The following LOXHD1 variants were observed in gnomAD, a reference collection of about 807,000 sequenced individuals.
The protein encoded by LOXHD1 is lipoxygenase homology PLAT domains 1.
Under a neutral mutation model 248.2 loss-of-function variants are expected in LOXHD1, and 205 were observed. The ratio of observed to expected loss-of-function variants is 0.83; its 90% CI spans 0.74 to 0.93. LOXHD1 has a LOEUF of 0.93. LOXHD1 is among the 40% of genes least tolerant of loss of function. LOXHD1 has a pLI of 0.00. For missense variants in LOXHD1, 2,930 were observed against 2,971.6 expected, an observed-to-expected ratio of 0.99 and a Z score of 0.33; for synonymous variants, 1,113 against 1,162.8, an observed-to-expected ratio of 0.96 and a Z score of 0.87.
intron 21 of LOXHD1, among the ~76,000 whole-genome samples, chr18:46,548,554 C>T (rs2036949275): frequency 6.6e-6 from 1 of 152,216 alleles, no homozygotes; most frequent in East Asian, 1.9e-4. Context: ...GAAAAATGCA[C>T]ACTGTTCTGC....
intron 21 of LOXHD1, among the ~76,000 whole-genome samples, chr18:46,554,324 T>C (rs561808628): frequency 6.6e-6 from 1 of 152,152 alleles, no homozygotes; most frequent in South Asian, 2.1e-4. Flanking sequence ...ATGTCAACAG[T>C]GAGGGAGATG....
chr18:46,593,530 G>A, intron 10 of LOXHD1, 70 bp downstream of exon 10: 1 of 1,510,794 alleles, frequency 6.6e-7, no homozygotes, highest in Non-Finnish European at 8.9e-7. Context: ...TAGAGAACCA[G>A]AATCCCCAGG....
intron 6 of LOXHD1, among the ~76,000 whole-genome samples, chr18:46,607,223 G>A (rs1312112421): frequency 6.6e-6 from 1 of 151,240 alleles, no homozygotes; most frequent in Admixed American, 6.6e-5. Context: ...TAAATAACAT[G>A]GGGATATATG....
In LOXHD1 at chr18:46,594,516, CCTCTTCGTG is replaced by C. The variant is rs1321327196; in HGVS notation, c.1135-59_1135-51del. The C allele has an allele frequency of 1.1e-5, 17 of 1,548,632 alleles. No individual in the cohort carries two copies. The South Asian group carries it at 1.7e-4, about 15-fold the overall frequency. On this transcript the variant is annotated intron_variant, in intron 8 of 40. Coordinates refer to ENST00000642948, the MANE Select transcript of LOXHD1 (RefSeq NM_001384474.1). Reference sequence around the variant, plus strand: ...TCCGGCATTGAGTCTCCAGTAGGGTCCTCTTCGTGATGTTCAGCAGGCTCCCAGCCCCAC... The same window carrying C: ...TCCGGCATTGAGTCTCCAGTAGGGTCATGTTCAGCAGGCTCCCAGCCCCAC...
At chr18:46,634,178 C>T (rs186632832) in intron 4 of LOXHD1, among the ~76,000 whole-genome samples, 4 of 152,270 alleles carry the variant, frequency 2.6e-5, no homozygotes, top group East Asian at 3.9e-4. Context: ...GGAAATAGTC[C>T]AATGTCTATC....
intron 23 of LOXHD1, among the ~76,000 whole-genome samples, chr18:46,543,599 G>A (rs1330614257): frequency 6.6e-6 from 1 of 152,000 alleles, no homozygotes; most frequent in Non-Finnish European, 1.5e-5. Context: ...CTCGGTGTAT[G>A]ATGTTCCTCT....
chr18:46,498,164 G>A (rs1324959786), intron 37 of LOXHD1, among the ~76,000 whole-genome samples: 1 of 152,178 alleles, frequency 6.6e-6, no homozygotes, highest in African/African-American at 2.4e-5. Context: ...ATCACTACTT[G>A]ACACCAACTT....
intron 37 of LOXHD1, among the ~76,000 whole-genome samples, chr18:46,493,443 C>T (rs2033628474): frequency 6.6e-6 from 1 of 152,338 alleles, no homozygotes; most frequent in Non-Finnish European, 1.5e-5. Flanking sequence ...CCCTTGAGAA[C>T]AGGAGCCTTT....
intron 12 of LOXHD1, among the ~76,000 whole-genome samples, chr18:46,586,194 G>A (rs571842728): frequency 2.0e-5 from 3 of 152,278 alleles, no homozygotes; most frequent in Non-Finnish European, 4.4e-5. Flanking sequence ...ATCCAGATTA[G>A]GCCAATCTGT....
intron 13 of LOXHD1, 51 bp from the exon 14 acceptor site, chr18:46,577,918 C>A (rs940155808): frequency 1.3e-6 from 2 of 1,541,840 alleles, no homozygotes; most frequent in Non-Finnish European, 1.8e-6. Context: ...CCCCAGGACC[C>A]AAACACCAAG....
chr18:46,517,753 T>C (rs2035335732), intron 34 of LOXHD1, among the ~76,000 whole-genome samples: 1 of 152,218 alleles, frequency 6.6e-6, no homozygotes, highest in Admixed American at 6.5e-5. Context: ...ATAGAGCTTC[T>C]GTGCCCCCTT....
chr18:46,582,558 G>T (rs2037983745), intron 12 of LOXHD1, among the ~76,000 whole-genome samples: 1 of 152,156 alleles, frequency 6.6e-6, no homozygotes, highest in Non-Finnish European at 1.5e-5. Flanking sequence ...ACAAAATATA[G>T]TTAGCAAAAT....
At chr18:46,550,142 C>T (rs2037026818) in intron 21 of LOXHD1, among the ~76,000 whole-genome samples, 1 of 152,158 alleles carries the variant, frequency 6.6e-6, no homozygotes, top group Admixed American at 6.5e-5. Context: ...CAACGTACTC[C>T]CAAATATCCC....
At position 46,547,148 on chromosome 18, in the gene LOXHD1, T is replaced by C. The variant is rs576786375; in HGVS notation, c.3351-90A>G. 183 of 1,449,410 alleles carry C rather than the reference T, an allele frequency of 1.3e-4. 5 individuals carry two copies. In the Middle Eastern group the frequency reaches 2.1e-3, roughly 17 times the overall value. 89.8% of individuals were successfully genotyped at this position (1,449,410 alleles called of 1,614,324 possible). On this transcript the variant is annotated intron_variant, in intron 21 of 40. Transcript: ENST00000642948. ...TGGGCTGAGAATGAGAGGCCCTCTA[T>C]GGGGTCCCAAACTCTCCCCTGTCTG...
intron 6 of LOXHD1, among the ~76,000 whole-genome samples, chr18:46,607,988 CACAT>C (rs2038443204): frequency 8.3e-6 from 1 of 120,532 alleles, no homozygotes; most frequent in Non-Finnish European, 1.8e-5. Context: ...AGATAGAAAA[CACAT>C]ACTGTGTTTC....
chr18:46,631,439 C>A (rs1426944285), intron 4 of LOXHD1, among the ~76,000 whole-genome samples: 1 of 152,186 alleles, frequency 6.6e-6, no homozygotes, highest in Non-Finnish European at 1.5e-5. Flanking sequence ...TCCCTGATTG[C>A]AGAATCACTG....
intron 5 of LOXHD1, among the ~76,000 whole-genome samples, 164 bp downstream of exon 5, chr18:46,618,028 C>A (rs2038613928): frequency 6.6e-6 from 1 of 152,172 alleles, no homozygotes; most frequent in Non-Finnish European, 1.5e-5. Context: ...TGAACACCTG[C>A]TGCCCAGGAC....
chr18:46,477,872 G>A lies in LOXHD1; in HGVS notation c.6422C>T (p.Thr2141Ile). The change falls in exon 41 of 41, where the codon ACA (threonine) becomes ATA (isoleucine). Residue 2141 changes from threonine to isoleucine, a missense_variant. Physicochemically the swap from Thr to Ile is moderately conservative, Grantham distance 89. Coordinates refer to ENST00000642948, the MANE Select transcript of LOXHD1 (RefSeq NM_001384474.1). ...CTGGACCTTGCTGGCAAAGCTCTCTGTCGTCTTGGTAACCTCGAATACCTT... is the reference window on the plus strand; with the variant it reads ...CTGGACCTTGCTGGCAAAGCTCTCTATCGTCTTGGTAACCTCGAATACCTT... ...YFKVFEVTKT[T>I]ESFASKVQSL... is the part of the protein sequence containing the mutation. 1 of 1,551,770 alleles carries A rather than the reference G, an allele frequency of 6.4e-7. No homozygotes were observed. The highest frequency in any genetic ancestry group is 2.4e-5 in the East Asian group (1 of 40,912).
chr18:46,554,268 C>A (rs2037229461), intron 21 of LOXHD1, among the ~76,000 whole-genome samples: 2 of 152,128 alleles, frequency 1.3e-5, no homozygotes, highest in Admixed American at 6.5e-5. Flanking sequence ...GCATGAGTGG[C>A]AGAGAGGCAT....
Sources: allele counts gnomAD v4.1 joint callset (sites outside exome capture counted in the v4.1 genomes callset), GRCh38; gene constraint gnomAD v4.1.1; transcripts MANE v1.5; gene names NCBI Gene and HGNC (gene_info 2026-07-23, HGNC 2026-07-21).